The following MAP3K12 variants were observed in gnomAD, a reference collection of about 807,000 sequenced individuals.
MAP3K12 encodes the protein MAPK-upstream kinase.
MAP3K12 carries 14 observed loss-of-function variants against 87.5 expected under a neutral mutation model. The ratio of observed to expected loss-of-function variants is 0.16; its 90% confidence interval spans 0.11 to 0.25. The LOEUF (loss-of-function observed/expected upper bound fraction) is 0.25, where lower values mean the gene tolerates loss of function less well. Ranked by LOEUF, MAP3K12 falls within the 10% of genes least tolerant of loss-of-function variation. MAP3K12 has a pLI of 1.00. For missense variants in MAP3K12, 802 were observed against 1,140.4 expected, an observed-to-expected ratio of 0.70 and a Z score of 4.27; for synonymous variants, 469 against 452.5, an observed-to-expected ratio of 1.04 and a Z score of -0.46.
chr12:53,492,399 C>T (rs1259094124), intron 1 of MAP3K12, among the ~76,000 whole-genome samples: 1 of 152,120 alleles, frequency 6.6e-6, no homozygotes, highest in African/African-American at 2.4e-5. Flanking sequence ...TAAGGTGGAA[C>T]CACTGCTCTA....
In MAP3K12 at chr12:53,487,152, G is replaced by C. The variant is rs1565887820; in HGVS notation, c.240C>G (p.Val80=). 6.2e-7 allele frequency: 1 copy of C among 1,613,950 alleles called. No homozygotes were observed. The highest frequency in any genetic ancestry group is 1.3e-5 in the African/African-American group (1 of 74,888). The change falls in exon 2 of 14, where the codon GTC becomes GTG. Residue 80 remains valine (V), a synonymous_variant. Coordinates refer to ENST00000547488, the MANE Select transcript of MAP3K12 (RefSeq NM_001193511.2). ...CTGCATCCTGCTCATGTAGCTGCAG[G>C]ACACTGTTGGCAAAAGGCTCAGGGG... ...EPPPEPFANS[V]LQLHEQDAGG...
Position 53,482,559 on chromosome 12 carries a change from CT to C in MAP3K12, c.2238+5del. 6.2e-7 allele frequency: 1 copy of C among 1,601,908 alleles called. No individual in the cohort carries two copies. The highest frequency in any genetic ancestry group is 8.5e-7 in the Non-Finnish European group (1 of 1,174,080). On this transcript the variant is annotated splice_donor_5th_base_variant and intron_variant, in intron 11 of 13. Coordinates refer to ENST00000547488, the MANE Select transcript of MAP3K12 (RefSeq NM_001193511.2). ...GAAAGAGCTTGGGAGCCTTCCCATA[CT>C]TTACCTGACTTCGGGTGACGGCAGC...
chr12:53,490,650 A>G (rs959543890), intron 1 of MAP3K12, among the ~76,000 whole-genome samples: 3 of 151,860 alleles, frequency 2.0e-5, no homozygotes, highest in Non-Finnish European at 4.4e-5. Flanking sequence ...AGGCTGAGGC[A>G]GAAGAATGGC....
At chr12:53,484,792 G>T (rs1278985250) in intron 6 of MAP3K12, 2 of 524,724 alleles carry the variant, frequency 3.8e-6, no homozygotes, top group East Asian at 7.0e-5. Flanking sequence ...CTCCTTCCTT[G>T]TACTTGTATG....
intron 1 of MAP3K12, among the ~76,000 whole-genome samples, chr12:53,491,164 T>G (rs1943387294): frequency 1.3e-5 from 2 of 150,684 alleles, no homozygotes. Context: ...GGCGGTCGCC[T>G]GTAGTCCCAG....
intron 1 of MAP3K12, among the ~76,000 whole-genome samples, chr12:53,488,621 A>T (rs1038380660): frequency 6.6e-6 from 1 of 152,052 alleles, no homozygotes; most frequent in Non-Finnish European, 1.5e-5. Flanking sequence ...AGATCATGCC[A>T]CTGCACTCCA....
rs1565887875 is a variant in MAP3K12 at position 53,487,183 on chromosome 12, TCTCCACCTGGGGAGGGGCTGGGCC to T, written c.185_208del (p.Gly62_Gly69del). On this transcript the variant is annotated inframe_deletion, in exon 2 of 14. Transcript: ENST00000547488. Reference sequence around the variant, plus strand: ...GTTGGCAAAAGGCTCAGGGGGCGGCTCTCCACCTGGGGAGGGGCTGGGCCCTCCCCCACCCTGCCCACCAAGGGG... The same window carrying T: ...GTTGGCAAAAGGCTCAGGGGGCGGCTCTCCCCCACCCTGCCCACCAAGGGG... 2 of 1,613,614 alleles carry T rather than the reference TCTCCACCTGGGGAGGGGCTGGGCC, an allele frequency of 1.2e-6. No homozygotes were observed. Among genetic ancestry groups the T allele is most frequent in the Admixed American group, 1.7e-5 (1 of 59,970 alleles).
In MAP3K12 at chr12:53,483,699, G is replaced by A. The variant is rs1450039929; in HGVS notation, c.1383C>T (p.His461=). The change falls in exon 9 of 14, where the codon CAC becomes CAT. Residue 461 remains histidine (H), a synonymous_variant. Transcript: ENST00000547488. ...ELRHALDIRE[H]YERKLERANN... is the part of the protein sequence containing the mutation. ...TGGCTCTCTCCAGCTTCCTTTCATA[G>A]TGCTCCCTGATGTCCAGGGCGTGTC... is the stretch of plus-strand genomic sequence containing the variant. 3 of 1,613,808 alleles carry A rather than the reference G, an allele frequency of 1.9e-6. No individual in the cohort carries two copies. The highest frequency in any genetic ancestry group is 1.3e-5 in the African/African-American group (1 of 74,866).
At chr12:53,481,772 G>C (rs941381697) in intron 13 of MAP3K12, 169 bp downstream of exon 13, 6 of 755,662 alleles carry the variant, frequency 7.9e-6, no homozygotes, top group South Asian at 5.8e-5. Flanking sequence ...GTCAGGCATC[G>C]TAATAGATGC....
At position 53,479,672 on chromosome 12, in the gene MAP3K12, T is replaced by TTTTTTTTTTTTTTTGGG. The variant is rs1555209672; in HGVS notation, c.*1509_*1510insCCCAAAAAAAAAAAAAA. On this transcript the variant is annotated 3_prime_UTR_variant, in exon 14 of 14. Coordinates refer to ENST00000547488, the MANE Select transcript of MAP3K12 (RefSeq NM_001193511.2). ...TTTAGTTTTATAAGCTTCTCCCTGG[T>TTTTTTTTTTTTTTTGGG]TTTTTTTTTTTGGCTCATGAATTTT... 5.6e-5 allele frequency: 16 copies of TTTTTTTTTTTTTTTGGG among 286,940 alleles called. No homozygotes were observed. The Admixed American group carries it at 6.9e-4, about 12-fold the overall frequency. 17.8% of individuals were successfully genotyped at this position (286,940 alleles called of 1,614,324 possible).
rs1276518701 is a variant in MAP3K12, at chr12:53,486,270, A to G, written c.630-23T>C. The G allele has an allele frequency of 1.9e-6, 3 of 1,582,634 alleles. No individual in the cohort carries two copies. Among genetic ancestry groups the G allele is most frequent in the South Asian group, 2.3e-5 (2 of 86,360 alleles). On this transcript the variant is annotated intron_variant, in intron 3 of 13. Transcript: ENST00000547488. The surrounding 1 kb of genome is among the most constrained non-coding windows in gnomAD (Gnocchi z 4.9). ...CCCCTGGGAGCCAAACAATGGTATG[A>G]AGGCCTCAGCTGGCTCAGCATTCAC...
At chr12:53,499,917 GAGCAGC>G (rs1391874817), upstream of MAP3K12, 2 of 152,356 alleles carry the variant, frequency 1.3e-5, no homozygotes, top group East Asian at 3.9e-4. Flanking sequence ...ACATCGGAGA[GAGCAGC>G]CCCTCAGTTG....
Position 53,486,273 on chromosome 12 carries a change from G to T in MAP3K12, c.630-26C>A. The stretch of plus-strand genomic sequence containing the variant: ...CTGGGAGCCAAACAATGGTATGAAG[G>T]CCTCAGCTGGCTCAGCATTCACCTG... On this transcript the variant is annotated intron_variant, in intron 3 of 13. Transcript: ENST00000547488. This position sits in a 1 kb window ranked among gnomAD's most constrained non-coding sequence, Gnocchi z 4.9. The T allele has an allele frequency of 6.3e-7, 1 of 1,576,284 alleles. No individual in the cohort carries two copies. The highest frequency in any genetic ancestry group is 8.6e-7 in the Non-Finnish European group (1 of 1,159,290).
At chr12:53,491,395 G>A (rs1439684687) in intron 1 of MAP3K12, among the ~76,000 whole-genome samples, 3 of 151,094 alleles carry the variant, frequency 2.0e-5, no homozygotes, top group Admixed American at 2.0e-4. Flanking sequence ...AAAACTGTAA[G>A]CTGGGCATTA....
intron 1 of MAP3K12, among the ~76,000 whole-genome samples, chr12:53,491,281 C>CT (rs1268413934): frequency 3.5e-4 from 1 of 2,852 alleles, no homozygotes; most frequent in Non-Finnish European, 0.012. Flanking sequence ...GAGTGAGACT[C>CT]TGTCTCAAAA....
Position 53,482,069 on chromosome 12 carries a change from C to G in MAP3K12, c.2452G>C (p.Asp818His). 1 of 1,614,196 alleles carries G rather than the reference C, an allele frequency of 6.2e-7. No individual in the cohort carries two copies. Among genetic ancestry groups the G allele is most frequent in the Non-Finnish European group, 8.5e-7 (1 of 1,180,018 alleles). Residue 818 changes from aspartate to histidine, a missense_variant, in exon 13 of 14, where the codon GAT becomes CAT. This residue lies in a region of MAP3K12 where 490 missense variants were observed against 496.6 expected (regional missense o/e 0.99). Coordinates refer to ENST00000547488, the MANE Select transcript of MAP3K12 (RefSeq NM_001193511.2). ...GAGCACATGTCATCAGACCGCTCAT[C>G]TGGCCGCTCATCAGTGTTGGTGCTG... ...VGSTNTDERP[D>H]ERSDDMCSQG...
chr12:53,497,898 T>C (rs1040064773), intron 1 of MAP3K12, among the ~76,000 whole-genome samples: 1 of 152,144 alleles, frequency 6.6e-6, no homozygotes, highest in African/African-American at 2.4e-5. Context: ...AAGAGTCCTC[T>C]TCCTAGAAAA....
chr12:53,485,964 C>T, intron 4 of MAP3K12, 92 bp downstream of exon 4: 4 of 1,253,740 alleles, frequency 3.2e-6, no homozygotes, highest in Non-Finnish European at 3.4e-6. Context: ...GCCACATGGA[C>T]CTAGGGCATG....
chr12:53,482,467 G>T, intron 11 of MAP3K12, 98 bp from the exon 12 acceptor site: 2 of 1,606,364 alleles, frequency 1.2e-6, no homozygotes, highest in Non-Finnish European at 8.5e-7. Flanking sequence ...GTGAAGTAGG[G>T]AATGGCTTAA....
Sources: allele counts gnomAD v4.1 joint callset (sites outside exome capture counted in the v4.1 genomes callset), GRCh38; gene constraint gnomAD v4.1.1; regional missense constraint gnomAD v4.1.1; non-coding constraint Gnocchi (gnomAD v3.1); transcripts MANE v1.5; gene names NCBI Gene and HGNC (gene_info 2026-07-23, HGNC 2026-07-21).